CFAP251: variants seen among roughly 807,000 people sequenced by gnomAD.
CFAP251 encodes cilia- and flagella-associated protein 251.
A neutral mutation model predicts 126.7 loss-of-function variants in CFAP251; 93 were observed. The observed-to-expected ratio is 0.73, with a 90% confidence interval of 0.62 to 0.87. CFAP251 has a LOEUF of 0.87. Ranked by LOEUF, CFAP251 falls within the 40% of genes least tolerant of loss-of-function variation. The pLI is 0.00. For synonymous variants in CFAP251, 503 were observed against 506.9 expected, an observed-to-expected ratio of 0.99 and a Z score of 0.10; for missense variants, 1,287 against 1,389.2, an observed-to-expected ratio of 0.93 and a Z score of 1.17.
rs566710791 is a variant in CFAP251, at chr12:121,978,367, C to A, written c.3006+2682C>A. On this transcript the variant is annotated intron_variant, in intron 19 of 21. Coordinates refer to ENST00000288912, the MANE Select transcript of CFAP251 (RefSeq NM_144668.6). ...CGAGATCGTGCCACTGCACTCCAGC[C>A]TGGGCGACAGAGCAAGACTCTGTCT... Among the ~76,000 whole-genome samples the A allele has an allele frequency of 5.9e-3, 589 of 99,408 alleles. 6 individuals carry two copies. Among genetic ancestry groups the A allele is most frequent in the Middle Eastern group, 0.025 (3 of 120 alleles). 65.2% of individuals were successfully genotyped at this position (99,408 alleles called of 152,430 possible).
Position 121,960,756 on chromosome 12 carries a change from T to C in CFAP251, c.2305T>C (p.Leu769=). The C allele has an allele frequency of 1.9e-6, 3 of 1,612,930 alleles. No individual in the cohort carries two copies. The highest frequency in any genetic ancestry group is 2.5e-6 in the Non-Finnish European group (3 of 1,179,780). ...RLLSLGTDRL[L]IEYDLLRSYK... ...GCTGAGCCTTGGGACAGACAGGCTC[T>C]TGGTGAGCTGTTTAGTTTTCGTTGA... Residue 769 remains leucine, a splice_region_variant and synonymous_variant, in exon 14 of 22, where the codon TTG becomes CTG. Coordinates refer to ENST00000288912, the MANE Select transcript of CFAP251 (RefSeq NM_144668.6).
At chr12:121,958,242 G>A in intron 11 of CFAP251, 30 bp from the exon 12 acceptor site, 1 of 1,612,100 alleles carries the variant, frequency 6.2e-7, no homozygotes. Flanking sequence ...TGCAAACACT[G>A]ATATTGTTTG....
chr12:121,928,358 T>C (rs1880500097), intron 3 of CFAP251, among the ~76,000 whole-genome samples: 1 of 151,802 alleles, frequency 6.6e-6, no homozygotes, highest in African/African-American at 2.4e-5. Context: ...TAAATATAAA[T>C]ATAAATTATA....
At chr12:121,940,467 G>A (rs779687977) in intron 5 of CFAP251, among the ~76,000 whole-genome samples, 14 of 152,100 alleles carry the variant, frequency 9.2e-5, no homozygotes, top group South Asian at 2.1e-4. Flanking sequence ...AGCCAGTTGG[G>A]ACCCTAGCGT....
At position 121,958,535 on chromosome 12, in the gene CFAP251, T is replaced by C. The variant is rs1881810855; in HGVS notation, c.1981+13T>C. 1 of 1,613,942 alleles carries C rather than the reference T, an allele frequency of 6.2e-7. No homozygotes were observed. Among genetic ancestry groups the C allele is most frequent in the African/African-American group, 1.3e-5 (1 of 74,954 alleles). ...TACAACCCCGAAGGTATTTTCATCT[T>C]ATCAGCCTACCATCGGTTCCACATG... On this transcript the variant is annotated intron_variant, in intron 12 of 21. Coordinates refer to ENST00000288912, the MANE Select transcript of CFAP251 (RefSeq NM_144668.6).
Position 121,918,609 on chromosome 12 carries a change from G to A in CFAP251, c.-107G>A, listed in dbSNP as rs1363929743. On this transcript the variant is annotated 5_prime_UTR_variant, in exon 1 of 22. Transcript: ENST00000288912. The surrounding 1 kb of genome is among the most constrained non-coding windows in gnomAD (Gnocchi z 4.3). The stretch of plus-strand genomic sequence containing the variant: ...TGGCAACCAGAACTAGGGAGCTGGT[G>A]GAGAAGGTGGCGGCCGCTGGAAGGA... 6.5e-6 allele frequency: 1 copy of A among 153,452 alleles called. No homozygotes were observed. Among genetic ancestry groups the A allele is most frequent in the Non-Finnish European group, 1.4e-5 (1 of 69,010 alleles). The allele number at this position is 153,452 out of a possible 1,614,324, so 9.5% of individuals were successfully genotyped here.
chr12:121,996,149 G>A (rs1406666778), intron 19 of CFAP251, among the ~76,000 whole-genome samples: 1 of 152,192 alleles, frequency 6.6e-6, no homozygotes, highest in Non-Finnish European at 1.5e-5. Flanking sequence ...ATTGGTTACC[G>A]ATTGATAAGT....
At chr12:121,943,228 T>G (rs2948664) in intron 7 of CFAP251, among the ~76,000 whole-genome samples, 94,286 of 151,706 alleles carry the variant, frequency 0.62, 31,899 homozygotes, top group Non-Finnish European at 0.77. Context: ...CATGAGAATT[T>G]CTTGAACCTG....
chr12:121,997,662 T>A (rs1248512043), intron 19 of CFAP251: 1 of 151,880 alleles, frequency 6.6e-6, no homozygotes, highest in Non-Finnish European at 1.5e-5. Context: ...AGTACTTTAT[T>A]CTTCTTAATC....
At chr12:121,938,497 T>C (rs1880977896) in intron 5 of CFAP251, among the ~76,000 whole-genome samples, 1 of 150,330 alleles carries the variant, frequency 6.7e-6, no homozygotes, top group African/African-American at 2.4e-5. Context: ...AATTTTTTTG[T>C]ATTTTTTTTT....
chr12:121,957,703 C>CAAAA (rs11416000), intron 11 of CFAP251, among the ~76,000 whole-genome samples: 1 of 110,972 alleles, frequency 9.0e-6, no homozygotes. Flanking sequence ...GACTCTGTCT[C>CAAAA]AAAAAAAAAA....
intron 15 of CFAP251, among the ~76,000 whole-genome samples, chr12:121,964,237 G>C (rs1488665161): frequency 6.6e-6 from 1 of 152,078 alleles, no homozygotes; most frequent in Non-Finnish European, 1.5e-5. Flanking sequence ...CATGTTTTAT[G>C]GTAGAGAGAA....
At chr12:121,982,676 C>G (rs934206713) in intron 19 of CFAP251, among the ~76,000 whole-genome samples, 3 of 152,142 alleles carry the variant, frequency 2.0e-5, no homozygotes, top group Admixed American at 2.0e-4. Context: ...CTGTGCCCAG[C>G]CAGGATTCTT....
At chr12:121,921,196 T>G (rs1880155809) in intron 1 of CFAP251, 90 bp from the exon 2 acceptor site, 1 of 1,379,732 alleles carries the variant, frequency 7.2e-7, no homozygotes, top group Non-Finnish European at 9.7e-7. Context: ...ACAGAGCCAT[T>G]TATGCACATT....
At chr12:121,997,435 G>C (rs1246782825) in intron 19 of CFAP251, 2 of 151,026 alleles carry the variant, frequency 1.3e-5, no homozygotes, top group African/African-American at 2.4e-5. Flanking sequence ...ATGCATGATG[G>C]CTCACTCCTG....
intron 3 of CFAP251, among the ~76,000 whole-genome samples, chr12:121,929,074 GC>G (rs1320106976): frequency 1.3e-5 from 2 of 152,038 alleles, no homozygotes; most frequent in Non-Finnish European, 2.9e-5. Flanking sequence ...TGTAATTCCA[GC>G]ACTTTGGGAG....
At chr12:121,961,249 CCCT>C (rs1881924914) in intron 14 of CFAP251, among the ~76,000 whole-genome samples, 1 of 150,664 alleles carries the variant, frequency 6.6e-6, no homozygotes, top group South Asian at 2.1e-4. Flanking sequence ...CTCCCTCCCT[CCCT>C]CCTTTCTTCT....
intron 11 of CFAP251, among the ~76,000 whole-genome samples, chr12:121,957,842 C>G (rs974970654): frequency 1.2e-4 from 19 of 152,068 alleles, no homozygotes; most frequent in Non-Finnish European, 2.6e-4. Context: ...GGTCTCTTTT[C>G]TCTAAGCTGA....
chr12:121,938,704 C>T (rs891961614), intron 5 of CFAP251, among the ~76,000 whole-genome samples: 4 of 148,886 alleles, frequency 2.7e-5, no homozygotes, highest in African/African-American at 7.4e-5. Context: ...AAAACCAGGC[C>T]GGGCATGGTG....
Sources: allele counts gnomAD v4.1 joint callset (sites outside exome capture counted in the v4.1 genomes callset), GRCh38; gene constraint gnomAD v4.1.1; non-coding constraint Gnocchi (gnomAD v3.1); transcripts MANE v1.5; gene names NCBI Gene and HGNC (gene_info 2026-07-23, HGNC 2026-07-21).